NRG2: variants seen among roughly 807,000 people sequenced by gnomAD.
The protein encoded by NRG2 is neuregulin 2, also known as pro-neuregulin-2, membrane-bound isoform.
A neutral mutation model predicts 73.9 loss-of-function variants in NRG2; 27 were observed. The observed-to-expected ratio is 0.37, with a 90% confidence interval of 0.27 to 0.50. The LOEUF is 0.50. Among genes scored for constraint, NRG2 ranks in the 20% least tolerant of loss-of-function variants. The probability of loss-of-function intolerance (pLI) is 0.96; values close to 1 mark genes in which losing one functional copy is unlikely to be tolerated. For missense variants in NRG2, 1,126 were observed against 1,210.1 expected (o/e 0.93, Z 1.03); for synonymous variants, 532 against 541.0 (o/e 0.98, Z 0.23).
intron 1 of NRG2, among the ~76,000 whole-genome samples, chr5:139,996,240 A>AT (rs1758000914): frequency 6.6e-6 from 1 of 152,162 alleles, no homozygotes; most frequent in African/African-American, 2.4e-5. Context: ...TTGGAACCTG[A>AT]TTTTTTTCAA....
chr5:139,890,469 CTTTCTTTTT>C (rs1272792001), intron 1 of NRG2, among the ~76,000 whole-genome samples: 3 of 111,940 alleles, frequency 2.7e-5, no homozygotes, highest in African/African-American at 1.1e-4. Flanking sequence ...TTCTTTCTTT[CTTTCTTTTT>C]TTTTTTTTTT....
chr5:139,930,189 A>G (rs1752365467), intron 1 of NRG2, among the ~76,000 whole-genome samples: 1 of 152,224 alleles, frequency 6.6e-6, no homozygotes, highest in African/African-American at 2.4e-5. Flanking sequence ...GTAAACAACC[A>G]GCCTAATGCA....
At chr5:139,974,517 G>A (rs1580852870) in intron 1 of NRG2, among the ~76,000 whole-genome samples, 2 of 152,314 alleles carry the variant, frequency 1.3e-5, no homozygotes, top group Admixed American at 1.3e-4. Flanking sequence ...CTGCCACCTA[G>A]ACCATCGAAC....
chr5:139,911,767 T>TG (rs1459278696), intron 1 of NRG2, among the ~76,000 whole-genome samples: 1 of 152,196 alleles, frequency 6.6e-6, no homozygotes, highest in Non-Finnish European at 1.5e-5. Flanking sequence ...TTCCCCAGGA[T>TG]GGGGGGTGAT....
At chr5:139,864,385 C>T (rs1189845084) in intron 5 of NRG2, among the ~76,000 whole-genome samples, 3 of 134,594 alleles carry the variant, frequency 2.2e-5, no homozygotes, top group East Asian at 2.1e-4. Context: ...TCTTCTTCTT[C>T]TTTTTTTTTT....
At chr5:139,896,837 C>T (rs1764573949) in intron 1 of NRG2, among the ~76,000 whole-genome samples, 1 of 152,172 alleles carries the variant, frequency 6.6e-6, no homozygotes, top group Admixed American at 6.5e-5. Flanking sequence ...CTTGGCAGTT[C>T]CACCTCAATG....
At chr5:140,031,553 A>G (rs919626616) in intron 1 of NRG2, among the ~76,000 whole-genome samples, 1 of 152,154 alleles carries the variant, frequency 6.6e-6, no homozygotes, top group Admixed American at 6.5e-5. Flanking sequence ...GTTGCCCTGG[A>G]TGCAGCCTTG....
chr5:139,855,694 A>C lies in NRG2; in HGVS notation c.1274T>G (p.Val425Gly). The C allele has an allele frequency of 6.2e-7, 1 of 1,613,996 alleles. No homozygotes were observed. The highest frequency in any genetic ancestry group is 8.5e-7 in the Non-Finnish European group (1 of 1,179,952). Reference sequence around the variant, plus strand: ...CACTCACTTGGTCTTGCAGTAGGCCACCACACAGACGATGCCCACGACCAG... The same window carrying C: ...CACTCACTTGGTCTTGCAGTAGGCCCCCACACAGACGATGCCCACGACCAG... ...ALLVVGIVCV[V>G]AYCKTKKQRK... The change falls in exon 6 of 10, where the codon GTG becomes GGG. Residue 425 changes from valine to glycine, a missense_variant. Around this residue, in one of 3 missense-constraint regions of NRG2, gnomAD observed 539 missense variants for 703.2 expected, o/e 0.77. Transcript: ENST00000361474.
At chr5:139,984,338 G>A (rs555052689) in intron 1 of NRG2, among the ~76,000 whole-genome samples, 6 of 152,230 alleles carry the variant, frequency 3.9e-5, no homozygotes, top group Non-Finnish European at 5.9e-5. Flanking sequence ...GCTGAAGAAC[G>A]ACTAATGATA....
intron 1 of NRG2, among the ~76,000 whole-genome samples, chr5:139,988,547 A>C (rs770120387): frequency 2.6e-5 from 4 of 152,068 alleles, no homozygotes; most frequent in Non-Finnish European, 5.9e-5. Context: ...TGAAAAGGTT[A>C]CGTATTATAT....
At chr5:139,964,661 T>G (rs1401888500) in intron 1 of NRG2, among the ~76,000 whole-genome samples, 1 of 152,226 alleles carries the variant, frequency 6.6e-6, no homozygotes. Flanking sequence ...CAAAGGATTC[T>G]GGAGTTAGAC....
Position 139,887,255 on chromosome 5 carries a change from C to T in NRG2, c.872+85G>A. 17 of 1,506,926 alleles carry T rather than the reference C, an allele frequency of 1.1e-5. No homozygotes were observed. Among genetic ancestry groups the T allele is most frequent in the Non-Finnish European group, 1.5e-5 (17 of 1,097,456 alleles). The allele number at this position is 1,506,926 out of a possible 1,614,324, so 93.3% of individuals were successfully genotyped here. A position where few individuals can be genotyped will look rare whatever the true frequency, so the allele number is the denominator to read the frequency against. On this transcript the variant is annotated intron_variant, in intron 2 of 9. Coordinates refer to ENST00000361474, the MANE Select transcript of NRG2 (RefSeq NM_004883.3). This position sits in a 1 kb window ranked among gnomAD's most constrained non-coding sequence, Gnocchi z 4.5. ...CATGGGTGAGTCTGGGGGCACAGCCCTGGCCTCTGCCCAGTTCAGGCCACT... is the reference window on the plus strand; with the variant it reads ...CATGGGTGAGTCTGGGGGCACAGCCTTGGCCTCTGCCCAGTTCAGGCCACT...
chr5:139,886,956 G>A (rs1357975264), intron 2 of NRG2, among the ~76,000 whole-genome samples: 1 of 152,240 alleles, frequency 6.6e-6, no homozygotes, highest in African/African-American at 2.4e-5. Flanking sequence ...AGGCATTCTG[G>A]AGTCAGGGTC....
Position 139,887,776 on chromosome 5 carries a change from C to G in NRG2, c.701-265G>C, listed in dbSNP as rs1213251071. Reference sequence around the variant, plus strand: ...GAAGCTTTACATTAGCTTATGAAACCTTCACAGTAACCCCATGAGCTCACA... The same window carrying G: ...GAAGCTTTACATTAGCTTATGAAACGTTCACAGTAACCCCATGAGCTCACA... On this transcript the variant is annotated intron_variant, in intron 1 of 9. Transcript: ENST00000361474. The surrounding 1 kb of genome is among the most constrained non-coding windows in gnomAD (Gnocchi z 4.5). 6.6e-6 allele frequency among the ~76,000 whole-genome samples: 1 copy of G among 152,092 alleles called. No individual in the cohort carries two copies. Among genetic ancestry groups the G allele is most frequent in the Admixed American group, 6.5e-5 (1 of 15,276 alleles).
chr5:139,938,945 GAAAGAAAGAAAGAAAA>G (rs1561694048), intron 1 of NRG2, among the ~76,000 whole-genome samples: 9 of 107,568 alleles, frequency 8.4e-5, no homozygotes, highest in Non-Finnish European at 9.6e-5. Flanking sequence ...AAGAAAGAAA[GAAAGAAAGAAAGAAAA>G]AAGAAGGAAG....
At chr5:139,896,020 C>T (rs1764521781) in intron 1 of NRG2, among the ~76,000 whole-genome samples, 1 of 152,182 alleles carries the variant, frequency 6.6e-6, no homozygotes, top group South Asian at 2.1e-4. Context: ...TGCTTCCTGC[C>T]TCCTTGGCCT....
rs550209883 is a variant in NRG2 at position 139,855,854 on chromosome 5, G to T, written c.1190-76C>A. ...GGGATAGTGGTGCAGAGACCCCTTT[G>T]CCCCCAAAGCCATAGGCTCTCCCCA... On this transcript the variant is annotated intron_variant, in intron 5 of 9. Coordinates refer to ENST00000361474, the MANE Select transcript of NRG2 (RefSeq NM_004883.3). The T allele has an allele frequency of 3.0e-5, 35 of 1,153,818 alleles. No individual in the cohort carries two copies. The South Asian group carries it at 3.6e-4, about 12-fold the overall frequency. 71.5% of individuals were successfully genotyped at this position (1,153,818 alleles called of 1,614,324 possible).
chr5:139,937,781 C>A (rs563829523), intron 1 of NRG2, among the ~76,000 whole-genome samples: 3 of 152,138 alleles, frequency 2.0e-5, no homozygotes, highest in Non-Finnish European at 4.4e-5. Flanking sequence ...AAAAAATTAA[C>A]AAAAGATATA....
In NRG2 at chr5:139,848,261, A is replaced by G. The variant is rs554346679; in HGVS notation, c.2209T>C (p.Ser737Pro). 214 of 1,114,766 alleles carry G rather than the reference A, an allele frequency of 1.9e-4. No individual in the cohort carries two copies. The African/African-American group carries it at 3.3e-3, about 17-fold the overall frequency. The allele number at this position is 1,114,766 out of a possible 1,614,324, so 69.1% of individuals were successfully genotyped here. A position where few individuals can be genotyped will look rare whatever the true frequency, so the allele number is the denominator to read the frequency against. The change falls in exon 10 of 10, where the codon TCG (serine) becomes CCG (proline). Residue 737 changes from serine to proline, a missense_variant. Transcript: ENST00000361474. ...CGGCGCCAGCGCCGGGGCCCCGCCG[A>G]CGTCCTGCGGGACGCACCGCGCGCG... ...PRARGASRRT[S>P]AGPRRWRRSR...
Sources: allele counts gnomAD v4.1 joint callset (sites outside exome capture counted in the v4.1 genomes callset), GRCh38; gene constraint gnomAD v4.1.1; regional missense constraint gnomAD v4.1.1; non-coding constraint Gnocchi (gnomAD v3.1); transcripts MANE v1.5; gene names NCBI Gene and HGNC (gene_info 2026-07-23, HGNC 2026-07-21).